The following ZNF155 variants were observed in gnomAD, a reference collection of about 807,000 sequenced individuals.
ZNF155 encodes KRAB A domain.
In ZNF155, 15 loss-of-function variants were observed where a neutral mutation model predicts 11.9. That is an observed-to-expected ratio of 1.26 (90% CI 0.84 to 1.94). The LOEUF is 1.94. Among genes scored for constraint, ZNF155 ranks in the 30% most tolerant of loss-of-function variants. The pLI is 0.00. For synonymous variants in ZNF155, 212 were observed against 219.9 expected, an observed-to-expected ratio of 0.96 and a Z score of 0.32; for missense variants, 602 against 639.1, an observed-to-expected ratio of 0.94 and a Z score of 0.63.
In ZNF155 at chr19:43,997,599, C is replaced by A; in HGVS notation, c.*125C>A. The A allele has an allele frequency of 2.0e-6, 2 of 998,534 alleles. No homozygotes were observed. Among genetic ancestry groups the A allele is most frequent in the Non-Finnish European group, 2.8e-6 (2 of 709,156 alleles). The allele number at this position is 998,534 out of a possible 1,614,324, so 61.9% of individuals were successfully genotyped here. A position where few individuals can be genotyped will look rare whatever the true frequency, so the allele number is the denominator to read the frequency against. ...TACCATTTCTTTGTGTTGGAAAATT[C>A]AAAATCCATTTGAGAGGAGTTGGTA... On this transcript the variant is annotated 3_prime_UTR_variant, in exon 5 of 5. Transcript: ENST00000270014.
Position 43,996,498 on chromosome 19 carries a change from G to A in ZNF155, c.641G>A (p.Ser214Asn), listed in dbSNP as rs763256141. Reference protein sequence around the residue: ...FMCDVCGKEFSQSSHLQTHQR... With the variant: ...FMCDVCGKEFNQSSHLQTHQR... ...TGTGATGTGTGTGGCAAGGAATTTA[G>A]TCAAAGCTCACATCTGCAAACTCAT... The change falls in exon 5 of 5, where the codon AGT becomes AAT. Residue 214 changes from serine to asparagine, a missense_variant. Coordinates refer to ENST00000270014, the MANE Select transcript of ZNF155 (RefSeq NM_198089.3). The A allele has an allele frequency of 1.9e-6, 3 of 1,614,096 alleles. No homozygotes were observed. Among genetic ancestry groups the A allele is most frequent in the Non-Finnish European group, 2.5e-6 (3 of 1,180,036 alleles).
At chr19:43,991,331 G>A (rs1308619902) in intron 2 of ZNF155, among the ~76,000 whole-genome samples, 1 of 152,192 alleles carries the variant, frequency 6.6e-6, no homozygotes, top group Non-Finnish European at 1.5e-5. Flanking sequence ...CAGAATAAAT[G>A]TATGAGACTT....
intron 4 of ZNF155, 66 bp downstream of exon 4, chr19:43,992,000 C>T (rs1975683792): frequency 2.2e-6 from 3 of 1,394,052 alleles, no homozygotes; most frequent in Non-Finnish European, 3.0e-6. Flanking sequence ...CTGTCCATGC[C>T]CATTTGCATT....
chr19:43,986,447 G>GT (rs1470848913), intron 1 of ZNF155, among the ~76,000 whole-genome samples: 8,835 of 141,974 alleles, frequency 0.062, 781 homozygotes, highest in African/African-American at 0.17. Flanking sequence ...ATTCCCATTT[G>GT]TGTTTTTTTT....
In ZNF155 at chr19:43,989,195, A is replaced by G. The variant is rs534260476; in HGVS notation, c.15+637A>G. On this transcript the variant is annotated intron_variant, in intron 2 of 4. Transcript: ENST00000270014. The stretch of plus-strand genomic sequence containing the variant: ...CAGAACAAAAGGATGTAACTGCTGC[A>G]CCACACAAATATTGTTGGAGTTTTC... Among the ~76,000 whole-genome samples the G allele has an allele frequency of 2.0e-5, 3 of 152,368 alleles. No individual in the cohort carries two copies. The East Asian group carries it at 5.8e-4, about 29-fold the overall frequency.
At position 43,996,557 on chromosome 19, in the gene ZNF155, T is replaced by C. The variant is rs143866640; in HGVS notation, c.700T>C (p.Cys234Arg). The stretch of plus-strand genomic sequence containing the variant: ...CCACACTGGAGAGAAACCATTCAAA[T>C]GTGAGCAATGTGGGAAAGGTTTCAG... ...RVHTGEKPFKCEQCGKGFSRR... is the reference protein window; with the variant it reads ...RVHTGEKPFKREQCGKGFSRR... Residue 234 changes from cysteine (C) to arginine (R), a missense_variant, in exon 5 of 5, where the codon TGT becomes CGT. Coordinates refer to ENST00000270014, the MANE Select transcript of ZNF155 (RefSeq NM_198089.3). The C allele has an allele frequency of 5.6e-6, 9 of 1,614,032 alleles. No individual in the cohort carries two copies. Among genetic ancestry groups the C allele is most frequent in the African/African-American group, 1.3e-5 (1 of 74,914 alleles).
chr19:43,995,471 A>C (rs1599844353), intron 4 of ZNF155, among the ~76,000 whole-genome samples: 1 of 131,296 alleles, frequency 7.6e-6, no homozygotes, highest in Non-Finnish European at 1.6e-5. Context: ...TGCAACTTCC[A>C]CCTCCCAGGC....
rs1975836832 is a variant in ZNF155, at chr19:43,995,991, C to T, written c.236-102C>T. 13 of 1,407,954 alleles carry T rather than the reference C, an allele frequency of 9.2e-6. No individual in the cohort carries two copies. The South Asian group carries it at 2.0e-4, about 22-fold the overall frequency. 87.2% of individuals were successfully genotyped at this position (1,407,954 alleles called of 1,614,324 possible). On this transcript the variant is annotated intron_variant, in intron 4 of 4. Coordinates refer to ENST00000270014, the MANE Select transcript of ZNF155 (RefSeq NM_198089.3). The stretch of plus-strand genomic sequence containing the variant: ...ACTTGGAAAACAAACTGAACATTCT[C>T]TGTATTCATTAAAGTTTAATGTCAT...
At chr19:43,986,704 C>G (rs765598999) in intron 1 of ZNF155, among the ~76,000 whole-genome samples, 13 of 152,132 alleles carry the variant, frequency 8.5e-5, no homozygotes, top group Admixed American at 3.9e-4. Flanking sequence ...CCACCTCGGC[C>G]TCCCAAAGTG....
rs200017976 is a variant in ZNF155 at position 43,996,156 on chromosome 19, G to T, written c.299G>T (p.Cys100Phe). 6.8e-5 allele frequency: 109 copies of T among 1,613,982 alleles called. No homozygotes were observed. Among genetic ancestry groups the T allele is most frequent in the Middle Eastern group, 1.6e-4 (1 of 6,062 alleles). The change falls in exon 5 of 5, where the codon TGC becomes TTC. Residue 100 changes from cysteine (C) to phenylalanine (F), a missense_variant. Transcript: ENST00000270014. ...GCAGGAGCACATGAAGAGTGGTCCT[G>T]CCAGCAAATCTGGGAACAAATTGCA... Reference protein sequence around the residue: ...PEAGAHEEWSCQQIWEQIAKD... With the variant: ...PEAGAHEEWSFQQIWEQIAKD...
At chr19:43,990,325 A>C (rs115543892) in intron 2 of ZNF155, among the ~76,000 whole-genome samples, 2,857 of 152,314 alleles carry the variant, frequency 0.019, 104 homozygotes, top group African/African-American at 0.066. Flanking sequence ...ACTGTAGCTA[A>C]AAGTAGGTCA....
rs1037732992 is a variant in ZNF155, at chr19:43,996,193, C to T, written c.336C>T (p.Thr112=). ...GGGAACAAATTGCAAAAGACTTAAC[C>T]AGGTCTCAGGACTCTATCATAAATA... ...QIWEQIAKDL[T]RSQDSIINNS... The change falls in exon 5 of 5, where the codon ACC becomes ACT. Residue 112 remains threonine (T), a synonymous_variant. Coordinates refer to ENST00000270014, the MANE Select transcript of ZNF155 (RefSeq NM_198089.3). The T allele has an allele frequency of 2.5e-6, 4 of 1,614,000 alleles. No individual in the cohort carries two copies. Among genetic ancestry groups the T allele is most frequent in the African/African-American group, 2.7e-5 (2 of 74,892 alleles).
At chr19:43,991,499 C>G (rs757755588) in intron 2 of ZNF155, 49 bp from the exon 3 acceptor site, 5 of 1,613,414 alleles carry the variant, frequency 3.1e-6, no homozygotes, top group Non-Finnish European at 4.2e-6. Flanking sequence ...GCTTCTCCCC[C>G]AGTAGTCCTT....
intron 2 of ZNF155, chr19:43,990,121 A>G: frequency 6.7e-7 from 1 of 1,491,120 alleles, no homozygotes; most frequent in South Asian, 1.3e-5. Context: ...AGGTAGGTAA[A>G]AAACTGGGAA....
chr19:43,991,691 T>C lies in ZNF155; in HGVS notation c.142+17T>C. ...TCTCAGTGGGTGAGCACGGGCATCT[T>C]TTGTGTCTGAACATCAGGCCTCAGG... On this transcript the variant is annotated intron_variant, in intron 3 of 4. Coordinates refer to ENST00000270014, the MANE Select transcript of ZNF155 (RefSeq NM_198089.3). 6.2e-7 allele frequency: 1 copy of C among 1,613,944 alleles called. No individual in the cohort carries two copies. The highest frequency in any genetic ancestry group is 1.7e-4 in the Middle Eastern group (1 of 6,058).
intron 2 of ZNF155, among the ~76,000 whole-genome samples, chr19:43,990,993 G>A (rs381759): frequency 0.38 from 57,559 of 151,884 alleles, 11,897 homozygotes; most frequent in East Asian, 0.55. Flanking sequence ...CCTAACTCAA[G>A]ACATTATCTT....
intron 2 of ZNF155, among the ~76,000 whole-genome samples, chr19:43,991,058 A>G (rs1975640781): frequency 6.6e-6 from 1 of 152,178 alleles, no homozygotes; most frequent in African/African-American, 2.4e-5. Flanking sequence ...TTATTCTTCA[A>G]AACTATACAC....
intron 1 of ZNF155, among the ~76,000 whole-genome samples, chr19:43,985,175 C>A (rs952749214): frequency 6.6e-6 from 1 of 152,008 alleles, no homozygotes; most frequent in Admixed American, 6.6e-5. Context: ...GATTCTCTGT[C>A]CTCAGCTCCG....
chr19:43,991,975 C>T (rs1459386074), intron 4 of ZNF155, 41 bp downstream of exon 4: 3 of 1,568,280 alleles, frequency 1.9e-6, no homozygotes, highest in Non-Finnish European at 2.6e-6. Flanking sequence ...CCTGACTCTC[C>T]CACCTGTTGT....
Sources: gnomAD v4.1 joint callset for allele counts (sites outside exome capture counted in the v4.1 genomes callset) on GRCh38, gnomAD v4.1.1 for gene constraint, MANE v1.5 for transcripts, NCBI Gene and HGNC (gene_info 2026-07-23, HGNC 2026-07-21) for gene names.